The following FRMPD2 variants were observed in gnomAD, a reference collection of about 807,000 sequenced individuals.
FRMPD2 encodes FERM and PDZ domain-containing protein 2.
In FRMPD2, 96 loss-of-function variants were observed where a neutral mutation model predicts 140.1. That is an observed-to-expected ratio of 0.69 (90% CI 0.58 to 0.81). The LOEUF is 0.81. FRMPD2 is among the 40% of genes least tolerant of loss of function. The probability of loss-of-function intolerance (pLI) is 0.00; values close to 1 mark genes in which losing one functional copy is unlikely to be tolerated. For missense variants in FRMPD2, 1,240 were observed against 1,447.4 expected (o/e 0.86, Z 2.32); for synonymous variants, 449 against 547.6 (o/e 0.82, Z 2.52).
At chr10:48,158,065 C>A in intron 28 of FRMPD2, among the ~76,000 whole-genome samples, 1 of 149,844 alleles carries the variant, frequency 6.7e-6, no homozygotes. Flanking sequence ...CCCTCCACCT[C>A]TTCTAATAAG....
intron 26 of FRMPD2, among the ~76,000 whole-genome samples, chr10:48,170,114 A>C: frequency 8.0e-6 from 1 of 124,580 alleles, no homozygotes; most frequent in African/African-American, 3.0e-5. Flanking sequence ...TGTTCTAGAG[A>C]CCTCCCCCCA....
At chr10:48,181,612 T>C (rs1838549567) in intron 20 of FRMPD2, among the ~76,000 whole-genome samples, 1 of 151,976 alleles carries the variant, frequency 6.6e-6, no homozygotes, top group Non-Finnish European at 1.5e-5. Context: ...GCTCACCCTG[T>C]GTCTGACTCG....
At chr10:48,192,649 G>T (rs1283351101) in intron 16 of FRMPD2, 35 bp downstream of exon 16, 1 of 1,561,106 alleles carries the variant, frequency 6.4e-7, no homozygotes, top group Non-Finnish European at 8.8e-7. Context: ...AGCACATGGT[G>T]GTTTGGGCCC....
intron 16 of FRMPD2, among the ~76,000 whole-genome samples, chr10:48,191,595 A>G (rs2131847208): frequency 6.6e-6 from 1 of 152,338 alleles, no homozygotes; most frequent in South Asian, 2.1e-4. Context: ...ATATAGATAT[A>G]GGTATAGATA....
intron 12 of FRMPD2, among the ~76,000 whole-genome samples, chr10:48,220,782 A>G (rs1169557342): frequency 1.3e-5 from 2 of 152,232 alleles, no homozygotes; most frequent in African/African-American, 4.8e-5. Context: ...GACTAAGGAC[A>G]TGAATAGACA....
intron 12 of FRMPD2, among the ~76,000 whole-genome samples, chr10:48,214,337 A>G (rs1839396639): frequency 6.6e-6 from 1 of 152,236 alleles, no homozygotes; most frequent in African/African-American, 2.4e-5. Flanking sequence ...CAACAATAGC[A>G]TAATGGTAGA....
At chr10:48,188,300 C>A (rs1838740466) in intron 16 of FRMPD2, among the ~76,000 whole-genome samples, 1 of 152,160 alleles carries the variant, frequency 6.6e-6, no homozygotes, top group Non-Finnish European at 1.5e-5. Flanking sequence ...GGGAGCTTGG[C>A]ACTGTGCAAA....
intron 1 of FRMPD2, among the ~76,000 whole-genome samples, chr10:48,261,768 C>A (rs1253928046): frequency 1.3e-5 from 2 of 152,044 alleles, no homozygotes; most frequent in African/African-American, 4.8e-5. Flanking sequence ...ATAATAGCAA[C>A]AACATCTTGG....
At chr10:48,205,014 C>T (rs1364414924) in intron 14 of FRMPD2, among the ~76,000 whole-genome samples, 2 of 152,198 alleles carry the variant, frequency 1.3e-5, no homozygotes, top group Non-Finnish European at 2.9e-5. Flanking sequence ...TGTTTGAAGA[C>T]TTTTGGCCTC....
At chr10:48,247,788 C>A (rs1840284856) in intron 3 of FRMPD2, among the ~76,000 whole-genome samples, 1 of 152,158 alleles carries the variant, frequency 6.6e-6, no homozygotes, top group Non-Finnish European at 1.5e-5. Flanking sequence ...GCATAAGAGG[C>A]AACTCAGTGT....
intron 13 of FRMPD2, 63 bp from the exon 14 acceptor site, chr10:48,206,996 G>T: frequency 1.4e-6 from 2 of 1,453,928 alleles, no homozygotes; most frequent in Non-Finnish European, 1.9e-6. Flanking sequence ...TGGGCCTCAC[G>T]CCATTCACTC....
intron 2 of FRMPD2, 85 bp from the exon 3 acceptor site, chr10:48,249,263 C>T: frequency 2.3e-6 from 3 of 1,328,604 alleles, no homozygotes; most frequent in Non-Finnish European, 3.1e-6. Context: ...AGGTGCCTGG[C>T]AGTACCCATC....
intron 9 of FRMPD2, among the ~76,000 whole-genome samples, chr10:48,235,776 G>A (rs923467047): frequency 6.6e-6 from 1 of 152,240 alleles, no homozygotes; most frequent in Non-Finnish European, 1.5e-5. Flanking sequence ...GGACAACAGA[G>A]ATATGGGCCT....
rs2131905797 is a variant in FRMPD2 at position 48,223,195 on chromosome 10, T to A, written c.1244A>T (p.Gln415Leu). The change falls in exon 11 of 29, where the codon CAG becomes CTG. Residue 415 changes from glutamine (Q) to leucine (L), a missense_variant. Transcript: ENST00000374201. Reference protein sequence around the residue: ...IAPEGWREQPQKTSMNTFTLF... With the variant: ...IAPEGWREQPLKTSMNTFTLF... ...TGTGAAGGTATTCATGGAGGTCTTCTGAGGCTGCTCTCTCCAGCCTTCAGG... is the reference window on the plus strand; with the variant it reads ...TGTGAAGGTATTCATGGAGGTCTTCAGAGGCTGCTCTCTCCAGCCTTCAGG... 6.2e-7 allele frequency: 1 copy of A among 1,613,980 alleles called. No homozygotes were observed. Among genetic ancestry groups the A allele is most frequent in the Non-Finnish European group, 8.5e-7 (1 of 1,179,848 alleles).
intron 9 of FRMPD2, among the ~76,000 whole-genome samples, chr10:48,234,860 C>A (rs1839931835): frequency 1.3e-5 from 2 of 152,112 alleles, no homozygotes; most frequent in Admixed American, 6.5e-5. Context: ...AGTCTTGGTA[C>A]CTAAGCACTG....
At chr10:48,231,595 G>A (rs1480135098) in intron 10 of FRMPD2, among the ~76,000 whole-genome samples, 1 of 152,164 alleles carries the variant, frequency 6.6e-6, no homozygotes, top group Non-Finnish European at 1.5e-5. Context: ...GTGGATCCTA[G>A]ATTGCAATCT....
chr10:48,249,189 G>C lies in FRMPD2; in HGVS notation c.152-11C>G. 6.2e-7 allele frequency: 1 copy of C among 1,613,104 alleles called. No individual in the cohort carries two copies. Among genetic ancestry groups the C allele is most frequent in the African/African-American group, 1.3e-5 (1 of 75,028 alleles). On this transcript the variant is annotated splice_polypyrimidine_tract_variant and intron_variant, in intron 2 of 28. Coordinates refer to ENST00000374201, the MANE Select transcript of FRMPD2 (RefSeq NM_001018071.4). Reference sequence around the variant, plus strand: ...CATAGTCCGAGGAATCTGAAACCAAGCCAGTGATGGGGCTGTAGAGACAGA... The same window carrying C: ...CATAGTCCGAGGAATCTGAAACCAACCCAGTGATGGGGCTGTAGAGACAGA...
Position 48,251,567 on chromosome 10 carries a change from G to T in FRMPD2, c.150C>A (p.Asn50Lys). The T allele has an allele frequency of 1.9e-6, 3 of 1,614,100 alleles. No homozygotes were observed. The highest frequency in any genetic ancestry group is 1.1e-5 in the South Asian group (1 of 91,080). ...AAEQLLEDLR[N>K]DSSDYVVCPW... is the part of the protein sequence containing the mutation. The stretch of plus-strand genomic sequence containing the variant: ...GACTGCCCCCAAACACTCTCTTACC[G>T]TTGCGGAGGTCTTCCAGGAGCTGCT... The change falls in exon 2 of 29, where the codon AAC becomes AAA. Residue 50 changes from asparagine to lysine, a missense_variant and splice_region_variant. Physicochemically the swap from Asn to Lys is moderately conservative, Grantham distance 94. Coordinates refer to ENST00000374201, the MANE Select transcript of FRMPD2 (RefSeq NM_001018071.4).
intron 16 of FRMPD2, among the ~76,000 whole-genome samples, chr10:48,190,651 G>T (rs1234558268): frequency 6.6e-6 from 1 of 152,202 alleles, no homozygotes; most frequent in Admixed American, 6.5e-5. Flanking sequence ...TAGTAATTAG[G>T]TTTCCCTTTT....
Sources: allele counts gnomAD v4.1 joint callset (sites outside exome capture counted in the v4.1 genomes callset), GRCh38; gene constraint gnomAD v4.1.1; transcripts MANE v1.5; gene names NCBI Gene and HGNC (gene_info 2026-07-23, HGNC 2026-07-21).